Variants in UBXN7 observed in about 807,000 individuals in gnomAD.
UBXN7 encodes UBX domain protein 7.
UBXN7 carries 9 observed loss-of-function variants against 58.0 expected under a neutral mutation model. The ratio of observed to expected loss-of-function variants is 0.16; its 90% confidence interval spans 0.09 to 0.27. UBXN7 has a LOEUF of 0.27. Ranked by LOEUF, UBXN7 falls within the 10% of genes least tolerant of loss-of-function variation. The probability of loss-of-function intolerance (pLI) is 1.00; values close to 1 mark genes in which losing one functional copy is unlikely to be tolerated. For missense variants in UBXN7, 328 were observed against 599.6 expected, an observed-to-expected ratio of 0.55 and a Z score of 4.73; for synonymous variants, 208 against 205.0, an observed-to-expected ratio of 1.01 and a Z score of -0.12.
chr3:196,358,463 C>T lies in UBXN7; in HGVS notation c.1309-1617G>A, dbSNP rs80285027. ...ACTAATTAGAATTAAGATTCACAAC[C>T]GGGTGCTCCCACCTGTAATCCCTGC... On this transcript the variant is annotated intron_variant, in intron 10 of 10. Transcript: ENST00000296328. Among the ~76,000 whole-genome samples, 1,315 of 152,242 alleles carry T rather than the reference C, an allele frequency of 8.6e-3. 18 individuals carry two copies. Among genetic ancestry groups the T allele is most frequent in the African/African-American group, 0.03 (1,229 of 41,534 alleles).
intron 1 of UBXN7, among the ~76,000 whole-genome samples, chr3:196,426,258 C>T (rs977576617): frequency 1.9e-4 from 29 of 151,816 alleles, no homozygotes; most frequent in East Asian, 3.9e-4. Flanking sequence ...TCGTGACGCG[C>T]ATCTGTGGTC....
intron 4 of UBXN7, among the ~76,000 whole-genome samples, chr3:196,392,298 T>C (rs1729609434): frequency 6.6e-6 from 1 of 151,838 alleles, no homozygotes; most frequent in African/African-American, 2.4e-5. Flanking sequence ...GGTCAGGAGT[T>C]TGAGATCAGC....
intron 9 of UBXN7, 80 bp downstream of exon 9, chr3:196,362,214 G>A (rs1349526465): frequency 3.4e-5 from 51 of 1,496,088 alleles, no homozygotes; most frequent in Non-Finnish European, 4.4e-5. Flanking sequence ...GGCTGGTCTT[G>A]GAACTCCTAA....
intron 10 of UBXN7, among the ~76,000 whole-genome samples, chr3:196,358,790 T>TA (rs1553848491): frequency 6.6e-6 from 1 of 151,708 alleles, no homozygotes; most frequent in African/African-American, 2.4e-5. Flanking sequence ...AGTTTGCAGT[T>TA]AGAGATCAGA....
chr3:196,393,308 C>T (rs1314617024), intron 4 of UBXN7, among the ~76,000 whole-genome samples: 3 of 152,126 alleles, frequency 2.0e-5, no homozygotes, highest in South Asian at 2.1e-4. Context: ...TATTCACAAG[C>T]GAATTAAGTT....
intron 3 of UBXN7, chr3:196,397,899 A>G (rs1729824963): frequency 6.6e-6 from 1 of 152,208 alleles, no homozygotes; most frequent in African/African-American, 2.4e-5. Context: ...AATCTTATCA[A>G]TGAGTTTTTC....
chr3:196,364,305 T>C (rs1373572095), intron 8 of UBXN7, among the ~76,000 whole-genome samples: 1 of 152,180 alleles, frequency 6.6e-6, no homozygotes, highest in African/African-American at 2.4e-5. Flanking sequence ...ACACTGGATA[T>C]TTCAGGATAT....
chr3:196,363,777 A>G (rs1378904631), intron 8 of UBXN7, among the ~76,000 whole-genome samples: 1 of 152,134 alleles, frequency 6.6e-6, no homozygotes, highest in African/African-American at 2.4e-5. Flanking sequence ...AAAAATGCAA[A>G]CATCAGCTGG....
At chr3:196,379,280 T>C (rs569742007) in intron 5 of UBXN7, among the ~76,000 whole-genome samples, 24 of 152,124 alleles carry the variant, frequency 1.6e-4, no homozygotes, top group Admixed American at 1.4e-3. Flanking sequence ...TCTTTCCATG[T>C]TGGTTTTGGG....
At chr3:196,404,984 T>C (rs904610314) in intron 2 of UBXN7, among the ~76,000 whole-genome samples, 29 of 151,970 alleles carry the variant, frequency 1.9e-4, no homozygotes, top group Admixed American at 1.1e-3. Context: ...CAAAACCCCA[T>C]CTTTACAAAA....
chr3:196,365,963 C>G (rs1728652850), intron 8 of UBXN7, among the ~76,000 whole-genome samples: 1 of 151,610 alleles, frequency 6.6e-6, no homozygotes, highest in Admixed American at 6.6e-5. Context: ...AAATACTTCT[C>G]AATTCATTGT....
intron 5 of UBXN7, among the ~76,000 whole-genome samples, chr3:196,375,703 C>T (rs1010088257): frequency 2.0e-5 from 3 of 152,134 alleles, no homozygotes; most frequent in African/African-American, 7.2e-5. Context: ...TAACGTCTGT[C>T]CCAGTACCAG....
At chr3:196,386,772 A>G (rs910275765) in intron 5 of UBXN7, among the ~76,000 whole-genome samples, 2 of 152,304 alleles carry the variant, frequency 1.3e-5, no homozygotes, top group Middle Eastern at 3.4e-3. Context: ...AATACCTGAA[A>G]ATGGCCATAT....
chr3:196,396,396 TA>T (rs79527660), intron 3 of UBXN7, among the ~76,000 whole-genome samples: 19,841 of 141,836 alleles, frequency 0.14, 1,501 homozygotes, highest in South Asian at 0.28. Context: ...CCCTGTCTCT[TA>T]AAAAAAAAAA....
chr3:196,372,870 C>T (rs1728883755), intron 5 of UBXN7, among the ~76,000 whole-genome samples: 1 of 151,802 alleles, frequency 6.6e-6, no homozygotes, highest in South Asian at 2.1e-4. Context: ...CTTAGCCTAC[C>T]GAGTAGCTGG....
chr3:196,372,215 T>C (rs1728853544), intron 5 of UBXN7, among the ~76,000 whole-genome samples, 173 bp from the exon 6 acceptor site: 1 of 152,164 alleles, frequency 6.6e-6, no homozygotes, highest in Admixed American at 6.5e-5. Flanking sequence ...CATATGCATT[T>C]ATAGCTATAC....
intron 5 of UBXN7, among the ~76,000 whole-genome samples, chr3:196,382,026 A>G (rs552937998): frequency 1.3e-5 from 2 of 152,346 alleles, no homozygotes; most frequent in African/African-American, 4.8e-5. Flanking sequence ...GGTGTACCTG[A>G]AAGTGACGGG....
chr3:196,386,038 A>ATTC (rs962782332), intron 5 of UBXN7, among the ~76,000 whole-genome samples: 1 of 152,288 alleles, frequency 6.6e-6, no homozygotes, highest in African/African-American at 2.4e-5. Context: ...ACTAAGAGAA[A>ATTC]TTCTTCTGCC....
At chr3:196,406,956 A>G (rs1351403708) in intron 2 of UBXN7, among the ~76,000 whole-genome samples, 1 of 152,226 alleles carries the variant, frequency 6.6e-6, no homozygotes, top group East Asian at 1.9e-4. Flanking sequence ...TGAGGCACAC[A>G]GGCCCTGCTG....
Sources: gnomAD v4.1 joint callset for allele counts (sites outside exome capture counted in the v4.1 genomes callset) on GRCh38, gnomAD v4.1.1 for gene constraint, MANE v1.5 for transcripts, NCBI Gene and HGNC (gene_info 2026-07-23, HGNC 2026-07-21) for gene names.